Variants in PRKCE observed in about 807,000 individuals in gnomAD.
PRKCE encodes the protein protein kinase C epsilon.
Under a neutral mutation model 85.4 loss-of-function variants are expected in PRKCE, and 16 were observed. The ratio of observed to expected loss-of-function variants is 0.19; its 90% CI spans 0.13 to 0.28. The LOEUF is 0.28. Among genes scored for constraint, PRKCE ranks in the 10% least tolerant of loss-of-function variants. The probability of loss-of-function intolerance (pLI) is 1.00; values close to 1 mark genes in which losing one functional copy is unlikely to be tolerated. For missense variants in PRKCE, 573 were observed against 975.2 expected, an observed-to-expected ratio of 0.59 and a Z score of 5.49; for synonymous variants, 388 against 371.5, an observed-to-expected ratio of 1.04 and a Z score of -0.51.
chr2:45,728,989 C>G (rs537562370), intron 1 of PRKCE, among the ~76,000 whole-genome samples: 2 of 152,156 alleles, frequency 1.3e-5, no homozygotes, highest in Non-Finnish European at 2.9e-5. Context: ...GAGGCTGCCT[C>G]TATTCCCACT....
chr2:45,933,921 T>G (rs1227574380), intron 2 of PRKCE, among the ~76,000 whole-genome samples: 3 of 152,196 alleles, frequency 2.0e-5, no homozygotes, highest in Non-Finnish European at 4.4e-5. Context: ...CAAACATAAG[T>G]GCAGGTACTC....
At chr2:45,741,044 A>C (rs948652943) in intron 1 of PRKCE, among the ~76,000 whole-genome samples, 1 of 152,212 alleles carries the variant, frequency 6.6e-6, no homozygotes, top group African/African-American at 2.4e-5. Flanking sequence ...TTTTGTGAAA[A>C]AATTAAAAAG....
At chr2:45,665,791 G>A (rs561508907) in intron 1 of PRKCE, among the ~76,000 whole-genome samples, 225 of 152,190 alleles carry the variant, frequency 1.5e-3, no homozygotes, top group African/African-American at 5.3e-3. Flanking sequence ...AATTTAGCTT[G>A]GCCTTCGATT....
At chr2:45,788,988 G>A (rs1373270060) in intron 1 of PRKCE, among the ~76,000 whole-genome samples, 1 of 152,212 alleles carries the variant, frequency 6.6e-6, no homozygotes, top group African/African-American at 2.4e-5. Context: ...CTTTGGAGAT[G>A]TGTCCCATGC....
chr2:45,970,633 A>T (rs1702048033), intron 2 of PRKCE, among the ~76,000 whole-genome samples: 1 of 152,186 alleles, frequency 6.6e-6, no homozygotes, highest in South Asian at 2.1e-4. Context: ...GGTGAAAATC[A>T]GAAACTACAA....
At position 46,155,325 on chromosome 2, in the gene PRKCE, C is replaced by G. The variant is rs760442900; in HGVS notation, c.1920+4096C>G. 6.6e-6 allele frequency among the ~76,000 whole-genome samples: 1 copy of G among 152,200 alleles called. No homozygotes were observed. The highest frequency in any genetic ancestry group is 1.5e-5 in the Non-Finnish European group (1 of 68,024). ...TGGGTGAATCTTTGATGGACCCCTT[C>G]AAGGAGCTCTTCTCAGCTCCTTGCT... On this transcript the variant is annotated intron_variant, in intron 13 of 14. Coordinates refer to ENST00000306156, the MANE Select transcript of PRKCE (RefSeq NM_005400.3). The surrounding 1 kb of genome is among the most constrained non-coding windows in gnomAD (Gnocchi z 4.7).
chr2:45,687,855 G>C (rs1480019748), intron 1 of PRKCE, among the ~76,000 whole-genome samples: 1 of 152,242 alleles, frequency 6.6e-6, no homozygotes, highest in Non-Finnish European at 1.5e-5. Context: ...CCAGGGCAGA[G>C]ACAGCCCAGG....
chr2:45,687,434 G>A (rs978525295), intron 1 of PRKCE, among the ~76,000 whole-genome samples: 1 of 152,118 alleles, frequency 6.6e-6, no homozygotes, highest in African/African-American at 2.4e-5. Context: ...ATTTATTGTT[G>A]AAGGTGGAGG....
At chr2:45,924,078 T>C (rs1175514173) in intron 2 of PRKCE, among the ~76,000 whole-genome samples, 1 of 152,146 alleles carries the variant, frequency 6.6e-6, no homozygotes, top group Non-Finnish European at 1.5e-5. Context: ...CAGGCCTTGA[T>C]TTGCAGTCAA....
chr2:45,775,314 C>G (rs1326116688), intron 1 of PRKCE, among the ~76,000 whole-genome samples: 1 of 152,164 alleles, frequency 6.6e-6, no homozygotes, highest in Non-Finnish European at 1.5e-5. Context: ...TGCATGTACA[C>G]AAGTGTATGC....
chr2:45,850,222 T>G (rs145168907), intron 2 of PRKCE, among the ~76,000 whole-genome samples: 4 of 152,334 alleles, frequency 2.6e-5, no homozygotes, highest in African/African-American at 7.2e-5. Flanking sequence ...GGAGCGTAGA[T>G]ATATATTTCC....
At chr2:45,882,697 G>A (rs1015066904) in intron 2 of PRKCE, among the ~76,000 whole-genome samples, 6 of 152,240 alleles carry the variant, frequency 3.9e-5, no homozygotes, top group African/African-American at 1.4e-4. Context: ...ATCCACCAAC[G>A]GAAGAGAAAG....
intron 1 of PRKCE, among the ~76,000 whole-genome samples, chr2:45,739,722 C>T (rs572627834): frequency 1.3e-5 from 2 of 152,016 alleles, no homozygotes; most frequent in Non-Finnish European, 2.9e-5. Flanking sequence ...TACAAAGGGG[C>T]CCAGGGAATT....
At chr2:45,693,877 T>C (rs1677937335) in intron 1 of PRKCE, among the ~76,000 whole-genome samples, 1 of 152,124 alleles carries the variant, frequency 6.6e-6, no homozygotes, top group Non-Finnish European at 1.5e-5. Flanking sequence ...CTGGAAAAGA[T>C]GGCAGGTCCT....
At chr2:45,865,899 C>T (rs1346748982) in intron 2 of PRKCE, among the ~76,000 whole-genome samples, 1 of 150,722 alleles carries the variant, frequency 6.6e-6, no homozygotes, top group Non-Finnish European at 1.5e-5. Context: ...TTCACTGCAG[C>T]CTCAACCTCA....
At chr2:45,860,440 C>G (rs1693061535) in intron 2 of PRKCE, among the ~76,000 whole-genome samples, 3 of 152,164 alleles carry the variant, frequency 2.0e-5, no homozygotes, top group Non-Finnish European at 4.4e-5. Flanking sequence ...CTGGGGCCCC[C>G]TGATGGGCTG....
chr2:45,861,801 A>T (rs1178908203), intron 2 of PRKCE, among the ~76,000 whole-genome samples: 2 of 152,240 alleles, frequency 1.3e-5, no homozygotes, highest in African/African-American at 2.4e-5. Context: ...AAATGTTTAC[A>T]GCTGAAGGGC....
chr2:45,980,196 C>T, intron 4 of PRKCE, 100 bp from the exon 5 acceptor site: 3 of 1,088,664 alleles, frequency 2.8e-6, no homozygotes, highest in South Asian at 2.8e-5. Flanking sequence ...GCAGAAGGGG[C>T]CTGGCTCCCC....
At chr2:45,716,927 CCATCAGAT>C (rs1680174561) in intron 1 of PRKCE, among the ~76,000 whole-genome samples, 1 of 152,184 alleles carries the variant, frequency 6.6e-6, no homozygotes, top group South Asian at 2.1e-4. Context: ...CCTTATAAAA[CCATCAGAT>C]CTTGTGAGAA....
Sources: allele counts gnomAD v4.1 joint callset (sites outside exome capture counted in the v4.1 genomes callset), GRCh38; gene constraint gnomAD v4.1.1; non-coding constraint Gnocchi (gnomAD v3.1); transcripts MANE v1.5; gene names NCBI Gene and HGNC (gene_info 2026-07-23, HGNC 2026-07-21).